EPHB2: variants seen among roughly 807,000 people sequenced by gnomAD.
EPHB2 encodes ephrin type-B receptor 2.
In EPHB2, 18 loss-of-function variants were observed where a neutral mutation model predicts 96.4. That is an observed-to-expected ratio of 0.19 (90% CI 0.13 to 0.28). EPHB2 has a LOEUF of 0.28. Among genes scored for constraint, EPHB2 ranks in the 10% least tolerant of loss-of-function variants. EPHB2 has a pLI of 1.00. For missense variants in EPHB2, 989 were observed against 1,355.4 expected (o/e 0.73, Z 4.25); for synonymous variants, 506 against 534.1 (o/e 0.95, Z 0.72).
chr1:22,713,776 T>C (rs976432789), intron 1 of EPHB2, among the ~76,000 whole-genome samples: 1 of 152,170 alleles, frequency 6.6e-6, no homozygotes, highest in African/African-American at 2.4e-5. Flanking sequence ...GTCCTGCCGG[T>C]TAAGTCCCCA....
chr1:22,752,608 C>T (rs1644081340), intron 1 of EPHB2, among the ~76,000 whole-genome samples: 1 of 150,944 alleles, frequency 6.6e-6, no homozygotes, highest in Non-Finnish European at 1.5e-5. Context: ...TTAAAACCTG[C>T]TTTTTAGTAA....
rs1640375955 is a variant in EPHB2, at chr1:22,920,757, C to A, written c.*7187C>A. 6.6e-6 allele frequency: 1 copy of A among 152,220 alleles called. No homozygotes were observed. Among genetic ancestry groups the A allele is most frequent in the African/African-American group, 2.4e-5 (1 of 41,450 alleles). 9.4% of individuals were successfully genotyped at this position (152,220 alleles called of 1,614,324 possible). On this transcript the variant is annotated 3_prime_UTR_variant, in exon 16 of 16. Coordinates refer to ENST00000374630, the MANE Select transcript of EPHB2 (RefSeq NM_017449.5). ...TTTGGACTCTAGAGAAGAGTAATTA[C>A]CACTTGGTCATGCCCAGCCCCCAAA...
chr1:22,912,299 TACTC>T (rs1640128364), intron 14 of EPHB2, 141 bp from the exon 15 acceptor site: 5 of 1,162,246 alleles, frequency 4.3e-6, no homozygotes, highest in South Asian at 1.4e-5. Flanking sequence ...CATGCAGAAA[TACTC>T]ACGTACATAC....
Position 22,913,971 on chromosome 1 carries a change from C to T in EPHB2, c.*401C>T. ...GTGACCTGGCCAGAGCCAAGAAACA[C>T]TTTCAGAAAAACAAATGTGAAGGGG... On this transcript the variant is annotated 3_prime_UTR_variant, in exon 16 of 16. Coordinates refer to ENST00000374630, the MANE Select transcript of EPHB2 (RefSeq NM_017449.5). The surrounding 1 kb of genome is among the most constrained non-coding windows in gnomAD (Gnocchi z 4.1). The T allele has an allele frequency of 4.2e-6, 6 of 1,422,966 alleles. No individual in the cohort carries two copies. The South Asian group carries it at 9.2e-5, about 22-fold the overall frequency. The allele number at this position is 1,422,966 out of a possible 1,614,324, so 88.1% of individuals were successfully genotyped here. A position where few individuals can be genotyped will look rare whatever the true frequency, so the allele number is the denominator to read the frequency against.
chr1:22,754,075 C>A (rs1354642196), intron 1 of EPHB2, among the ~76,000 whole-genome samples: 1 of 152,182 alleles, frequency 6.6e-6, no homozygotes, highest in African/African-American at 2.4e-5. Flanking sequence ...AATCCTGGGC[C>A]TGAGTGTTCT....
intron 3 of EPHB2, among the ~76,000 whole-genome samples, chr1:22,841,069 G>A (rs189033791): frequency 8.3e-4 from 127 of 152,106 alleles, no homozygotes; most frequent in East Asian, 1.9e-4. Context: ...CCAGCAAGGT[G>A]CCCACCACAT....
At chr1:22,767,728 T>C (rs781282536) in intron 1 of EPHB2, among the ~76,000 whole-genome samples, 7 of 152,118 alleles carry the variant, frequency 4.6e-5, no homozygotes, top group Admixed American at 6.6e-5. Flanking sequence ...CTTCTCCACC[T>C]CGAAGGCTCT....
chr1:22,897,214 G>A (rs1639594277), intron 9 of EPHB2, among the ~76,000 whole-genome samples: 1 of 152,240 alleles, frequency 6.6e-6, no homozygotes, highest in Non-Finnish European at 1.5e-5. Context: ...GAGAAAAGTA[G>A]ATCATAGATT....
rs534962631 is a variant in EPHB2, at chr1:22,919,918, C to T, written c.*6348C>T. On this transcript the variant is annotated 3_prime_UTR_variant, in exon 16 of 16. Transcript: ENST00000374630. ...TCTATGCTGCTAATTCTTGAAATTT[C>T]GAGTCTCATTGTTCGTTGCTGTTCC... 6.6e-5 allele frequency: 10 copies of T among 152,146 alleles called. No homozygotes were observed. In the South Asian group the frequency reaches 8.3e-4, roughly 13 times the overall value. 9.4% of individuals were successfully genotyped at this position (152,146 alleles called of 1,614,324 possible).
At chr1:22,888,988 C>T (rs1639310338) in intron 6 of EPHB2, among the ~76,000 whole-genome samples, 1 of 152,086 alleles carries the variant, frequency 6.6e-6, no homozygotes, top group African/African-American at 2.4e-5. Flanking sequence ...AACCCTGTCT[C>T]TACCAAAAAT....
rs1367630604 is a variant in EPHB2, at chr1:22,917,553, A to C, written c.*3983A>C. 1 of 152,234 alleles carries C rather than the reference A, an allele frequency of 6.6e-6. No individual in the cohort carries two copies. The highest frequency in any genetic ancestry group is 6.5e-5 in the Admixed American group (1 of 15,282). 9.4% of individuals were successfully genotyped at this position (152,234 alleles called of 1,614,324 possible). On this transcript the variant is annotated 3_prime_UTR_variant, in exon 16 of 16. Coordinates refer to ENST00000374630, the MANE Select transcript of EPHB2 (RefSeq NM_017449.5). ...TGAATCTGGGGAGACACTTCCCCTC[A>C]CTGAGCCATCTGTAAAATGAGAGCA...
intron 2 of EPHB2, among the ~76,000 whole-genome samples, chr1:22,782,231 C>G (rs1644543424): frequency 6.6e-6 from 1 of 152,186 alleles, no homozygotes; most frequent in South Asian, 2.1e-4. Context: ...TGTTTTAGAC[C>G]TCACAAGACT....
At chr1:22,901,599 G>A (rs771983633) in intron 9 of EPHB2, among the ~76,000 whole-genome samples, 6 of 152,142 alleles carry the variant, frequency 3.9e-5, no homozygotes, top group East Asian at 1.9e-4. Context: ...ACCCGACCTC[G>A]GTTCAGCAAG....
Position 22,784,275 on chromosome 1 carries a change from G to A in EPHB2, c.127-117G>A, listed in dbSNP as rs1288437893. ...CCCATCAGATTGGGAATTCTCTGAT[G>A]TCTTCACCATTAGACTGGAGGGTTC... On this transcript the variant is annotated intron_variant, in intron 2 of 15. Coordinates refer to ENST00000374630, the MANE Select transcript of EPHB2 (RefSeq NM_017449.5). The surrounding 1 kb of genome is among the most constrained non-coding windows in gnomAD (Gnocchi z 5.1). 3 of 928,320 alleles carry A rather than the reference G, an allele frequency of 3.2e-6. No individual in the cohort carries two copies. Among genetic ancestry groups the A allele is most frequent in the Non-Finnish European group, 5.2e-6 (3 of 578,312 alleles). 57.5% of individuals were successfully genotyped at this position (928,320 alleles called of 1,614,324 possible). A position where few individuals can be genotyped will look rare whatever the true frequency, so the allele number is the denominator to read the frequency against.
rs1314168883 is a variant in EPHB2, at chr1:22,906,459, AC to A, written c.1889-248del. On this transcript the variant is annotated intron_variant, in intron 10 of 15. Coordinates refer to ENST00000374630, the MANE Select transcript of EPHB2 (RefSeq NM_017449.5). The surrounding 1 kb of genome is among the most constrained non-coding windows in gnomAD (Gnocchi z 4.8). ...TTTCCCATCTCCCAGGTTCCCCTGCACCCTCACCCCCATGCCCAGCCAGGGA... is the reference window on the plus strand; with the variant it reads ...TTTCCCATCTCCCAGGTTCCCCTGCACCTCACCCCCATGCCCAGCCAGGGA... Among the ~76,000 whole-genome samples the A allele has an allele frequency of 6.6e-6, 1 of 151,876 alleles. No homozygotes were observed. The highest frequency in any genetic ancestry group is 1.5e-5 in the Non-Finnish European group (1 of 67,968).
At position 22,903,450 on chromosome 1, in the gene EPHB2, A is replaced by G. The variant is rs142840523; in HGVS notation, c.1766-2537A>G. ...ATGGCGGAATACTCCAGCAGGCAGC[A>G]TGGACCAGATTCTGGTTGTATTTCA... On this transcript the variant is annotated intron_variant, in intron 9 of 15. Transcript: ENST00000374630. 1.8e-3 allele frequency among the ~76,000 whole-genome samples: 269 copies of G among 152,354 alleles called. 4 individuals are homozygous for G. Among genetic ancestry groups the G allele is most frequent in the Admixed American group, 0.013 (204 of 15,310 alleles).
chr1:22,754,816 G>C (rs1202223027), intron 1 of EPHB2, among the ~76,000 whole-genome samples: 1 of 1,042 alleles, frequency 9.6e-4, no homozygotes, highest in African/African-American at 4.2e-3. Context: ...AGAGGCAGGG[G>C]AAGGGAGGTG....
intron 1 of EPHB2, among the ~76,000 whole-genome samples, chr1:22,772,362 G>A (rs746373592): frequency 5.3e-5 from 8 of 152,168 alleles, no homozygotes; most frequent in Non-Finnish European, 1.0e-4. Context: ...GCAGGCAACC[G>A]AGGCAGAGAA....
rs1179461943 is a variant in EPHB2, at chr1:22,912,612, C to A, written c.2852+13C>A. On this transcript the variant is annotated intron_variant, in intron 15 of 15. Coordinates refer to ENST00000374630, the MANE Select transcript of EPHB2 (RefSeq NM_017449.5). ...AGATGATGATGGAGTAAGTGCCCAG[C>A]CACTTCTGCTTGTCACCTTAGCACC... 1.2e-6 allele frequency: 2 copies of A among 1,613,090 alleles called. No individual in the cohort carries two copies. The highest frequency in any genetic ancestry group is 1.7e-6 in the Non-Finnish European group (2 of 1,179,996).
Sources: allele counts gnomAD v4.1 joint callset (sites outside exome capture counted in the v4.1 genomes callset), GRCh38; gene constraint gnomAD v4.1.1; non-coding constraint Gnocchi (gnomAD v3.1); transcripts MANE v1.5; gene names NCBI Gene and HGNC (gene_info 2026-07-23, HGNC 2026-07-21).